USP42: variants seen among roughly 807,000 people sequenced by gnomAD.
USP42 encodes ubiquitin specific peptidase 42, also known as ubiquitin carboxyl-terminal hydrolase 42.
A neutral mutation model predicts 113.0 loss-of-function variants in USP42; 23 were observed. The observed-to-expected ratio is 0.20, with a 90% CI of 0.15 to 0.29. The LOEUF is 0.29. Ranked by LOEUF, USP42 falls within the 10% of genes least tolerant of loss-of-function variation. The pLI is 1.00. For synonymous variants in USP42, 933 were observed against 699.0 expected (o/e 1.33, Z -5.28); for missense variants, 2,174 against 1,779.8 (o/e 1.22, Z -3.99).
chr7:6,085,436 T>C, the USP42 span, among the ~76,000 whole-genome samples: 1 of 148,236 alleles, frequency 6.7e-6, no homozygotes, highest in African/African-American at 2.5e-5. Context: ...CCATCCCCTT[T>C]TAGTTGTTGG....
At position 6,123,523 on chromosome 7, in the gene USP42, G is replaced by A. The variant is rs188639608; in HGVS notation, c.442+8000G>A. Among the ~76,000 whole-genome samples the A allele has an allele frequency of 2.0e-3, 300 of 151,926 alleles. 1 individual carries two copies. The highest frequency in any genetic ancestry group is 6.5e-3 in the African/African-American group (270 of 41,464). On this transcript the variant is annotated intron_variant, in intron 3 of 17. Coordinates refer to ENST00000306177, the MANE Select transcript of USP42 (RefSeq NM_032172.3). Reference sequence around the variant, plus strand: ...CTAAAAATACAAATATTAGCCAGGCGAGGTGGCGGGCGCCTGTAGTCCCAG... The same window carrying A: ...CTAAAAATACAAATATTAGCCAGGCAAGGTGGCGGGCGCCTGTAGTCCCAG...
At position 6,139,454 on chromosome 7, in the gene USP42, AT is replaced by A. The variant is rs955052605; in HGVS notation, c.656+263del. ...TAAACATTGGTCTTGCAGCTATTTA[AT>A]TTCTCATTATCAGCAGACGTCTGCA... On this transcript the variant is annotated intron_variant, in intron 5 of 17. Transcript: ENST00000306177. This position sits in a 1 kb window ranked among gnomAD's most constrained non-coding sequence, Gnocchi z 4.5. The A allele has an allele frequency of 6.0e-6, 2 of 332,608 alleles. No homozygotes were observed. Among genetic ancestry groups the A allele is most frequent in the African/African-American group, 4.3e-5 (2 of 46,444 alleles). The allele number at this position is 332,608 out of a possible 1,614,324, so 20.6% of individuals were successfully genotyped here.
upstream of USP42, among the ~76,000 whole-genome samples, chr7:6,100,777 C>G (rs1285389212): frequency 1.3e-5 from 2 of 149,718 alleles, no homozygotes; most frequent in Non-Finnish European, 2.9e-5. Flanking sequence ...AGCAATTCTC[C>G]TGCCTCAGCC....
chr7:6,146,119 C>T (rs201699014), intron 10 of USP42, 29 bp from the exon 11 acceptor site: 10 of 1,409,680 alleles, frequency 7.1e-6, no homozygotes, highest in Non-Finnish European at 8.8e-6. Flanking sequence ...TAAATCTAAT[C>T]TCTCTCTTTT....
At chr7:6,115,612 A>T (rs1203733039) in intron 3 of USP42, 89 bp downstream of exon 3, 1 of 1,454,248 alleles carries the variant, frequency 6.9e-7, no homozygotes, top group East Asian at 2.4e-5. Flanking sequence ...AATTAATCCA[A>T]GAGTGCTATG....
the USP42 span, among the ~76,000 whole-genome samples, chr7:6,082,609 T>TTTTTTTTTGTTTTTTTG: frequency 6.7e-4 from 55 of 81,580 alleles, 3 homozygotes; most frequent in African/African-American, 2.1e-3. Context: ...TTCTGTTTTT[T>TTTTTTTTTGTTTTTTTG]TTTTTTTTTT....
intron 1 of USP42, among the ~76,000 whole-genome samples, chr7:6,105,365 C>T (rs989973758): frequency 2.0e-5 from 3 of 149,008 alleles, no homozygotes; most frequent in Admixed American, 6.7e-5. Context: ...CCGGCCCCAG[C>T]CCGCCCCTTC....
chr7:6,146,302 C>CT (rs1781711441), intron 11 of USP42, 54 bp downstream of exon 11: 1 of 993,416 alleles, frequency 1.0e-6, no homozygotes, highest in South Asian at 1.5e-5. Context: ...TTCTTCTTGT[C>CT]TTATCAACAT....
rs1201886425 is a variant in USP42 at position 6,144,169 on chromosome 7, A to C, written c.963A>C (p.Ala321=). The change falls in exon 9 of 18, where the codon GCA becomes GCC. Residue 321 remains alanine, a synonymous_variant. Transcript: ENST00000306177. ...TTACACTTTCTCTGAAACGTTTTGC[A>C]AATTTTACCGGTGGAAAAATTGCTA... The part of the protein sequence containing the change: ...NVLTLSLKRF[A]NFTGGKIAKD... 1.3e-6 allele frequency: 2 copies of C among 1,595,176 alleles called. No individual in the cohort carries two copies. Among genetic ancestry groups the C allele is most frequent in the East Asian group, 2.3e-5 (1 of 43,184 alleles).
At chr7:6,125,383 C>G (rs560989076) in intron 3 of USP42, among the ~76,000 whole-genome samples, 1 of 151,100 alleles carries the variant, frequency 6.6e-6, no homozygotes, top group Non-Finnish European at 1.5e-5. Context: ...TCAGCTACTT[C>G]GGAGACTGAG....
At chr7:6,145,390 A>G in intron 9 of USP42, 126 bp from the exon 10 acceptor site, 5 of 1,138,410 alleles carry the variant, frequency 4.4e-6, no homozygotes, top group Non-Finnish European at 6.2e-6. Flanking sequence ...GGTTTTTGCT[A>G]GAATATCACA....
chr7:6,104,621 G>C (rs1021485825), upstream of USP42, among the ~76,000 whole-genome samples: 3 of 152,188 alleles, frequency 2.0e-5, no homozygotes, highest in Non-Finnish European at 2.9e-5. Context: ...GCGCCGTCTG[G>C]CTCTGCCCAG....
In USP42 at chr7:6,111,186, A is replaced by C; in HGVS notation, c.53A>C (p.Asn18Thr). The C allele has an allele frequency of 6.2e-7, 1 of 1,613,076 alleles. No homozygotes were observed. The highest frequency in any genetic ancestry group is 8.5e-7 in the Non-Finnish European group (1 of 1,179,392). Residue 18 changes from asparagine (N) to threonine (T), a missense_variant, in exon 2 of 18, where the codon AAT becomes ACT. Physicochemically the swap from Asn to Thr is moderately conservative, Grantham distance 65. Transcript: ENST00000306177. ...SESSDPSAYQ[N>T]QPGSSEAVSP... Reference sequence around the variant, plus strand: ...TCTTCAGACCCATCAGCCTATCAGAATCAGCCTGGCAGCTCCGAGGCAGTC... The same window carrying C: ...TCTTCAGACCCATCAGCCTATCAGACTCAGCCTGGCAGCTCCGAGGCAGTC...
At chr7:6,106,849 G>C (rs1012920510) in intron 1 of USP42, among the ~76,000 whole-genome samples, 2 of 152,098 alleles carry the variant, frequency 1.3e-5, no homozygotes, top group African/African-American at 2.4e-5. Flanking sequence ...TACAGGCTTG[G>C]TCCACCATGC....
chr7:6,089,536 CTTT>C, the USP42 span, among the ~76,000 whole-genome samples: 2 of 139,700 alleles, frequency 1.4e-5, no homozygotes, highest in African/African-American at 2.7e-5. Flanking sequence ...CTGACTTTCT[CTTT>C]TTTTTTTTTT....
Position 6,155,046 on chromosome 7 carries a change from C to G in USP42, c.3492C>G (p.His1164Gln), listed in dbSNP as rs368655873. 7.6e-5 allele frequency: 119 copies of G among 1,563,186 alleles called. No individual in the cohort carries two copies. The African/African-American group carries it at 1.4e-3, about 19-fold the overall frequency. Residue 1164 changes from histidine to glutamine, a missense_variant, in exon 15 of 18, where the codon CAC becomes CAG. Coordinates refer to ENST00000306177, the MANE Select transcript of USP42 (RefSeq NM_032172.3). ...HENGKSRKRR[H>Q]DSVENSDSHV... is the part of the protein sequence containing the mutation. ...ATGGAAAGTCCCGGAAACGGAGACA[C>G]GACAGTGTGGAGAACAGTGACAGTC...
chr7:6,115,406 G>A lies in USP42; in HGVS notation c.325G>A (p.Val109Ile). 10 of 1,614,090 alleles carry A rather than the reference G, an allele frequency of 6.2e-6. No individual in the cohort carries two copies. Among genetic ancestry groups the A allele is most frequent in the Non-Finnish European group, 7.6e-6 (9 of 1,179,910 alleles). The change falls in exon 3 of 18, where the codon GTT (valine) becomes ATT (isoleucine). Residue 109 changes from valine to isoleucine, a missense_variant. Coordinates refer to ENST00000306177, the MANE Select transcript of USP42 (RefSeq NM_032172.3). ...ICLKWQQTHRVGAGLQNLGNT... is the reference protein window; with the variant it reads ...ICLKWQQTHRIGAGLQNLGNT... ...TCTTAAGTGGCAACAAACTCATAGA[G>A]TTGGAGCTGGGCTCCAGAATTTGGG...
In USP42 at chr7:6,118,892, G is replaced by A. The variant is rs572987610; in HGVS notation, c.442+3369G>A. Reference sequence around the variant, plus strand: ...CTGATCACTTGTTTGTCTTGACACCGTAACACAATGTTTTGATTACTATAT... The same window carrying A: ...CTGATCACTTGTTTGTCTTGACACCATAACACAATGTTTTGATTACTATAT... On this transcript the variant is annotated intron_variant, in intron 3 of 17. Coordinates refer to ENST00000306177, the MANE Select transcript of USP42 (RefSeq NM_032172.3). Among the ~76,000 whole-genome samples the A allele has an allele frequency of 2.1e-4, 32 of 152,174 alleles. No homozygotes were observed. The South Asian group carries it at 5.0e-3, about 24-fold the overall frequency.
At chr7:6,113,782 T>C (rs1360676871) in intron 2 of USP42, among the ~76,000 whole-genome samples, 1 of 152,032 alleles carries the variant, frequency 6.6e-6, no homozygotes, top group Admixed American at 6.6e-5. Context: ...CCACCACACC[T>C]GGCTAATTTT....
Sources: gnomAD v4.1 joint callset for allele counts (sites outside exome capture counted in the v4.1 genomes callset) on GRCh38, gnomAD v4.1.1 for gene constraint, Gnocchi (gnomAD v3.1) non-coding constraint, MANE v1.5 for transcripts, NCBI Gene and HGNC (gene_info 2026-07-23, HGNC 2026-07-21) for gene names.